Variants in PRDM16 observed in about 807,000 individuals in gnomAD.
PRDM16 encodes PR/SET domain 16.
A neutral mutation model predicts 110.6 loss-of-function variants in PRDM16; 23 were observed. The ratio of observed to expected loss-of-function variants is 0.21; its 90% CI spans 0.15 to 0.29. PRDM16 has a LOEUF of 0.29. PRDM16 is among the 10% of genes least tolerant of loss of function. The pLI is 1.00. For synonymous variants in PRDM16, 799 were observed against 781.8 expected, an observed-to-expected ratio of 1.02 and a Z score of -0.37; for missense variants, 1,615 against 1,794.3, an observed-to-expected ratio of 0.90 and a Z score of 1.81.
intron 3 of PRDM16, among the ~76,000 whole-genome samples, chr1:3,379,930 GCACACCCCTCCCAA>G (rs1557642642): frequency 3.0e-4 from 2 of 6,608 alleles, no homozygotes; most frequent in African/African-American, 9.0e-4. Flanking sequence ...ACCCCTCCCA[GCACACCCCTCCCAA>G]CACACCCCTC....
chr1:3,115,958 C>T (rs1014718927), intron 1 of PRDM16, among the ~76,000 whole-genome samples: 1 of 152,166 alleles, frequency 6.6e-6, no homozygotes, highest in African/African-American at 2.4e-5. Flanking sequence ...CTAGGCTGTC[C>T]ATGCCCCAGC....
intron 1 of PRDM16, among the ~76,000 whole-genome samples, chr1:3,078,324 C>T (rs1437632296): frequency 2.0e-5 from 3 of 152,198 alleles, no homozygotes; most frequent in Non-Finnish European, 2.9e-5. Flanking sequence ...GGCTGCCTCC[C>T]GCTGTGGCGA....
chr1:3,149,035 C>T (rs1643729715), intron 1 of PRDM16, among the ~76,000 whole-genome samples: 1 of 152,182 alleles, frequency 6.6e-6, no homozygotes, highest in Non-Finnish European at 1.5e-5. Flanking sequence ...CTGTCCCCAG[C>T]TCCCCACCAC....
intron 1 of PRDM16, among the ~76,000 whole-genome samples, chr1:3,147,643 G>A (rs1569688914): frequency 6.6e-6 from 1 of 152,182 alleles, no homozygotes; most frequent in East Asian, 1.9e-4. Flanking sequence ...GCACATCTTG[G>A]TTCTGCGTCG....
At chr1:3,211,802 T>C (rs1638889888) in intron 2 of PRDM16, among the ~76,000 whole-genome samples, 1 of 152,210 alleles carries the variant, frequency 6.6e-6, no homozygotes, top group Non-Finnish European at 1.5e-5. Flanking sequence ...AGCGTGTCCA[T>C]GCGTGTGCAC....
rs1643690100 is a variant in PRDM16, at chr1:3,411,727, C to G, written c.1530C>G (p.Leu510=). ...CGGCGCCTCCCACGTTCCCCGCACT[C>G]ACCCCCGGCTTCCCGGGCATCTTCC... ...FSTAPPTFPA[L]TPGFPGIFPP... The change falls in exon 9 of 17, where the codon CTC becomes CTG. Residue 510 remains leucine, a synonymous_variant. Coordinates refer to ENST00000270722, the MANE Select transcript of PRDM16 (RefSeq NM_022114.4). 5.0e-6 allele frequency: 8 copies of G among 1,611,372 alleles called. No homozygotes were observed. Among genetic ancestry groups the G allele is most frequent in the Non-Finnish European group, 6.8e-6 (8 of 1,178,714 alleles).
intron 1 of PRDM16, among the ~76,000 whole-genome samples, chr1:3,153,857 A>G (rs1643816860): frequency 6.6e-6 from 1 of 152,236 alleles, no homozygotes; most frequent in African/African-American, 2.4e-5. Flanking sequence ...TATATTAATA[A>G]CATGCAGCAC....
chr1:3,367,513 C>T (rs2100571279), intron 3 of PRDM16, among the ~76,000 whole-genome samples: 1 of 152,320 alleles, frequency 6.6e-6, no homozygotes, highest in African/African-American at 2.4e-5. Flanking sequence ...CTAACGCACC[C>T]ACAGCCAAAT....
Position 3,417,918 on chromosome 1 carries a change from C to A in PRDM16, c.2782C>A (p.His928Asn). 1.9e-6 allele frequency: 3 copies of A among 1,612,278 alleles called. No individual in the cohort carries two copies. The highest frequency in any genetic ancestry group is 2.5e-6 in the Non-Finnish European group (3 of 1,178,918). ...CAGCTCCCTGCAGCCCCTCCCCCACCACCCCTTCAACTTCCGGTCCCCACC... is the reference window on the plus strand; with the variant it reads ...CAGCTCCCTGCAGCCCCTCCCCCACAACCCCTTCAACTTCCGGTCCCCACC... Reference protein sequence around the residue: ...SGSSLQPLPHHPFNFRSPPPT... With the variant: ...SGSSLQPLPHNPFNFRSPPPT... Residue 928 changes from histidine to asparagine, a missense_variant, in exon 11 of 17, where the codon CAC becomes AAC. Around this residue, in one of 5 missense-constraint regions of PRDM16, gnomAD observed 772 missense variants for 748.3 expected, o/e 1.03. Transcript: ENST00000270722.
intron 1 of PRDM16, among the ~76,000 whole-genome samples, chr1:3,074,554 C>T (rs1641848506): frequency 6.6e-6 from 1 of 151,234 alleles, no homozygotes; most frequent in Non-Finnish European, 1.5e-5. Context: ...GACCTCACAC[C>T]TGCAGGCTGG....
At chr1:3,431,823 C>T (rs955185793) in intron 15 of PRDM16, 143 bp from the exon 16 acceptor site, 16 of 773,100 alleles carry the variant, frequency 2.1e-5, no homozygotes, top group South Asian at 1.8e-5. Flanking sequence ...TCTGTGTGTC[C>T]GTGTGTCTGT....
intron 1 of PRDM16, among the ~76,000 whole-genome samples, chr1:3,139,387 C>T (rs374581210): frequency 8.5e-5 from 13 of 152,360 alleles, no homozygotes; most frequent in South Asian, 2.1e-4. Flanking sequence ...GGCTTAATAA[C>T]GAATCACGTG....
At chr1:3,398,857 T>C (rs1643425065) in intron 5 of PRDM16, among the ~76,000 whole-genome samples, 1 of 152,206 alleles carries the variant, frequency 6.6e-6, no homozygotes, top group Non-Finnish European at 1.5e-5. Context: ...TTTGTGCTTT[T>C]GTTGGGAGAA....
Position 3,290,991 on chromosome 1 carries a change from C to T in PRDM16, c.438+46854C>T, listed in dbSNP as rs144279552. On this transcript the variant is annotated intron_variant, in intron 3 of 16. Coordinates refer to ENST00000270722, the MANE Select transcript of PRDM16 (RefSeq NM_022114.4). The surrounding 1 kb of genome is among the most constrained non-coding windows in gnomAD (Gnocchi z 4.8). ...TGATAGGAGCGGCTTGGCCTCCTGA[C>T]TCCAGGGGCCTGGGAGAGGCCATCC... Among the ~76,000 whole-genome samples, 9 of 152,192 alleles carry T rather than the reference C, an allele frequency of 5.9e-5. No homozygotes were observed. In the East Asian group the frequency reaches 1.7e-3, roughly 29 times the overall value.
At chr1:3,351,150 G>T (rs1642472249) in intron 3 of PRDM16, among the ~76,000 whole-genome samples, 1 of 152,136 alleles carries the variant, frequency 6.6e-6, no homozygotes, top group South Asian at 2.1e-4. Flanking sequence ...CTGAGATGTG[G>T]GTCTCAGAAG....
intron 3 of PRDM16, among the ~76,000 whole-genome samples, chr1:3,348,453 C>T (rs991520276): frequency 2.0e-5 from 3 of 152,174 alleles, no homozygotes; most frequent in African/African-American, 7.2e-5. Flanking sequence ...AATCCGCGGG[C>T]CAAGGACATT....
At chr1:3,124,387 G>C (rs1383285287) in intron 1 of PRDM16, among the ~76,000 whole-genome samples, 2 of 152,250 alleles carry the variant, frequency 1.3e-5, no homozygotes, top group Admixed American at 1.3e-4. Context: ...TCTTGGCCTG[G>C]CTGGGCTGAC....
rs1482447749 is a variant in PRDM16 at position 3,404,722 on chromosome 1, C to T, written c.885-17C>T. 2.5e-6 allele frequency: 4 copies of T among 1,612,720 alleles called. No homozygotes were observed. In the South Asian group the frequency reaches 3.3e-5, roughly 13 times the overall value. On this transcript the variant is annotated splice_polypyrimidine_tract_variant and intron_variant, in intron 6 of 16. Coordinates refer to ENST00000270722, the MANE Select transcript of PRDM16 (RefSeq NM_022114.4). ...GCAGGTAGTCGGGCCCCGCAGTGAG[C>T]CTCGTCCTCTGCGCAGCCTGGAGCA...
At chr1:3,170,628 C>A (rs541775280) in intron 1 of PRDM16, among the ~76,000 whole-genome samples, 4 of 152,266 alleles carry the variant, frequency 2.6e-5, no homozygotes, top group South Asian at 4.1e-4. Context: ...TCCCCACCCC[C>A]ACTCTGGTGG....
Sources: allele counts gnomAD v4.1 joint callset (sites outside exome capture counted in the v4.1 genomes callset), GRCh38; gene constraint gnomAD v4.1.1; regional missense constraint gnomAD v4.1.1; non-coding constraint Gnocchi (gnomAD v3.1); transcripts MANE v1.5; gene names NCBI Gene and HGNC (gene_info 2026-07-23, HGNC 2026-07-21).